The following VPS37A variants were observed in gnomAD, a reference collection of about 807,000 sequenced individuals.
The protein encoded by VPS37A is VPS37A subunit of ESCRT-I, also known as vacuolar protein sorting-associated protein 37A.
Under a neutral mutation model 49.8 loss-of-function variants are expected in VPS37A, and 30 were observed. The observed-to-expected ratio is 0.60, with a 90% CI of 0.45 to 0.82. The LOEUF is 0.82. Ranked by LOEUF, VPS37A falls within the 40% of genes least tolerant of loss-of-function variation. The pLI is 0.00. For missense variants in VPS37A, 593 were observed against 464.4 expected, an observed-to-expected ratio of 1.28 and a Z score of -2.55; for synonymous variants, 195 against 160.6, an observed-to-expected ratio of 1.21 and a Z score of -1.62.
At chr8:17,322,583 G>T in the VPS37A span, among the ~76,000 whole-genome samples, 1 of 152,184 alleles carries the variant, frequency 6.6e-6, no homozygotes, top group Non-Finnish European at 1.5e-5. Flanking sequence ...ACTTTGGGAG[G>T]CCAAGGCAGT....
In VPS37A at chr8:17,266,170, C is replaced by G. The variant is rs111533767; in HGVS notation, c.200+189C>G. Among the ~76,000 whole-genome samples, 23 of 151,960 alleles carry G rather than the reference C, an allele frequency of 1.5e-4. 1 individual carries two copies. Among genetic ancestry groups the G allele is most frequent in the African/African-American group, 5.3e-4 (22 of 41,430 alleles). On this transcript the variant is annotated intron_variant, in intron 2 of 11. Transcript: ENST00000324849. Reference sequence around the variant, plus strand: ...CTGTTATAGTGTTATAAGAAAGAAACTAGAAAAGAGGAAATGCAATAAAAA... The same window carrying G: ...CTGTTATAGTGTTATAAGAAAGAAAGTAGAAAAGAGGAAATGCAATAAAAA...
At chr8:17,294,399 T>TG (rs1215624507) in intron 11 of VPS37A, among the ~76,000 whole-genome samples, 3 of 152,102 alleles carry the variant, frequency 2.0e-5, no homozygotes, top group African/African-American at 7.2e-5. Context: ...TCCATAGGGG[T>TG]GGGATCCGCT....
chr8:17,310,363 A>C, the VPS37A span, among the ~76,000 whole-genome samples: 7 of 152,172 alleles, frequency 4.6e-5, no homozygotes, highest in African/African-American at 1.7e-4. Flanking sequence ...CCAATGCTTT[A>C]AAGTGGCCAG....
the VPS37A span, among the ~76,000 whole-genome samples, chr8:17,330,446 C>T: frequency 1.3e-5 from 2 of 152,232 alleles, no homozygotes; most frequent in Non-Finnish European, 2.9e-5. Flanking sequence ...GCGACAGATT[C>T]CTCTTGGGGT....
the VPS37A span, chr8:17,313,428 C>G: frequency 4.8e-6 from 7 of 1,452,466 alleles, no homozygotes; most frequent in South Asian, 4.8e-5. Context: ...GTTATAAAAG[C>G]AAAATTAAGG....
downstream of VPS37A, chr8:17,301,797 G>GGAAA (rs779693990): frequency 3.5e-6 from 1 of 284,846 alleles, no homozygotes; most frequent in Non-Finnish European, 6.4e-6. Context: ...CTAAAAGTGG[G>GGAAA]GAAAGAGTTT....
At chr8:17,291,016 T>G (rs1816090700) in intron 11 of VPS37A, among the ~76,000 whole-genome samples, 1 of 152,160 alleles carries the variant, frequency 6.6e-6, no homozygotes, top group South Asian at 2.1e-4. Flanking sequence ...GATCTTTTTT[T>G]TGTTGTTGTT....
At chr8:17,302,031 G>A, downstream of VPS37A, 2 of 1,285,352 alleles carry the variant, frequency 1.6e-6, no homozygotes, top group Non-Finnish European at 2.2e-6. Flanking sequence ...TTGTGTTTCA[G>A]GTGTTCTACT....
the VPS37A span, among the ~76,000 whole-genome samples, chr8:17,326,874 G>A: frequency 6.6e-6 from 1 of 152,200 alleles, no homozygotes; most frequent in Middle Eastern, 3.4e-3. Context: ...GAAACCATGA[G>A]ATAATAAATA....
At chr8:17,310,104 G>A in the VPS37A span, among the ~76,000 whole-genome samples, 3 of 151,978 alleles carry the variant, frequency 2.0e-5, no homozygotes, top group Admixed American at 6.6e-5. Flanking sequence ...GAGCTCGAGC[G>A]ATCCTCCCAC....
downstream of VPS37A, among the ~76,000 whole-genome samples, chr8:17,300,569 A>C (rs1817045844): frequency 6.6e-6 from 1 of 152,240 alleles, no homozygotes; most frequent in Non-Finnish European, 1.5e-5. Flanking sequence ...CATTTTTTAG[A>C]AATCATGAAT....
intron 1 of VPS37A, among the ~76,000 whole-genome samples, chr8:17,261,947 C>G (rs923113065): frequency 6.6e-6 from 1 of 152,182 alleles, no homozygotes; most frequent in African/African-American, 2.4e-5. Context: ...GAATATTTCT[C>G]CCTTCAGTCC....
At chr8:17,260,005 T>C (rs543881680) in intron 1 of VPS37A, among the ~76,000 whole-genome samples, 33 of 152,282 alleles carry the variant, frequency 2.2e-4, no homozygotes, top group African/African-American at 7.0e-4. Flanking sequence ...TTCTTGGGTC[T>C]TGTTGCTTTA....
intron 4 of VPS37A, 48 bp from the exon 5 acceptor site, chr8:17,274,685 G>T: frequency 6.7e-7 from 1 of 1,482,532 alleles, no homozygotes; most frequent in South Asian, 1.2e-5. Flanking sequence ...AATTTGACAT[G>T]TTTTATCCAT....
chr8:17,276,450 A>G lies in VPS37A; in HGVS notation c.696A>G (p.Pro232=). ...YKMPDVPDAF[P]ELSELSVSQL... ...TGCCAGATGTCCCTGATGCATTTCC[A>G]GAACTCTCAGAACTAAGGTAAACCT... The change falls in exon 6 of 12, where the codon CCA becomes CCG. Residue 232 remains proline, a synonymous_variant. Transcript: ENST00000324849. 1.2e-6 allele frequency: 2 copies of G among 1,611,452 alleles called. No individual in the cohort carries two copies. Among genetic ancestry groups the G allele is most frequent in the East Asian group, 2.2e-5 (1 of 44,716 alleles).
At chr8:17,287,109 C>T (rs1815674011) in intron 11 of VPS37A, among the ~76,000 whole-genome samples, 2 of 152,160 alleles carry the variant, frequency 1.3e-5, no homozygotes, top group Admixed American at 6.5e-5. Context: ...TTTGGCCGTG[C>T]TTGTACCTGA....
intron 1 of VPS37A, among the ~76,000 whole-genome samples, chr8:17,262,685 C>T (rs1369738178): frequency 6.6e-6 from 1 of 151,860 alleles, no homozygotes; most frequent in African/African-American, 2.4e-5. Context: ...AGAATAAAAG[C>T]TGCAAACAAT....
At chr8:17,257,490 A>AG (rs758854699) in intron 1 of VPS37A, among the ~76,000 whole-genome samples, 2 of 152,084 alleles carry the variant, frequency 1.3e-5, no homozygotes, top group Non-Finnish European at 2.9e-5. Context: ...GGGGCCTGTC[A>AG]GGGGGCGTTA....
chr8:17,299,361 A>G (rs1364599461), downstream of VPS37A: 2 of 153,414 alleles, frequency 1.3e-5, no homozygotes, highest in South Asian at 2.0e-4. Context: ...GAATGCATCT[A>G]TTAACTAAAA....
Sources: gnomAD v4.1 joint callset for allele counts (sites outside exome capture counted in the v4.1 genomes callset) on GRCh38, gnomAD v4.1.1 for gene constraint, MANE v1.5 for transcripts, NCBI Gene and HGNC (gene_info 2026-07-23, HGNC 2026-07-21) for gene names.